PCDHA7: variants seen among roughly 807,000 people sequenced by gnomAD.
PCDHA7 encodes the protein protocadherin alpha-7.
PCDHA7 carries 37 observed loss-of-function variants against 57.2 expected under a neutral mutation model. The ratio of observed to expected loss-of-function variants is 0.65; its 90% CI spans 0.50 to 0.85. PCDHA7 has a LOEUF of 0.85. Ranked by LOEUF, PCDHA7 falls within the 40% of genes least tolerant of loss-of-function variation. The pLI, the probability that PCDHA7 is intolerant of heterozygous loss-of-function variation, is 0.00. For synonymous variants in PCDHA7, 553 were observed against 558.8 expected, an observed-to-expected ratio of 0.99 and a Z score of 0.15; for missense variants, 1,188 against 1,241.8, an observed-to-expected ratio of 0.96 and a Z score of 0.65.
intron 1 of PCDHA7, among the ~76,000 whole-genome samples, chr5:140,878,693 C>T (rs932928385): frequency 6.6e-6 from 1 of 152,136 alleles, no homozygotes; most frequent in South Asian, 2.1e-4. Context: ...TCTTACATAC[C>T]CCAGCCTGGT....
rs1162004111 is a variant in PCDHA7, at chr5:140,853,967, G to A, written c.2355+17229G>A. ...GAGGGTCCCTTCCTTGAGCCCAGCAGTTTGAGACCAATGTAGTGAGACTCA... is the reference window on the plus strand; with the variant it reads ...GAGGGTCCCTTCCTTGAGCCCAGCAATTTGAGACCAATGTAGTGAGACTCA... On this transcript the variant is annotated intron_variant, in intron 1 of 3. Coordinates refer to ENST00000525929, the MANE Select transcript of PCDHA7 (RefSeq NM_018910.3). The A allele has an allele frequency of 7.7e-6, 5 of 646,708 alleles. No homozygotes were observed. The East Asian group carries it at 4.0e-4, about 51-fold the overall frequency. The allele number at this position is 646,708 out of a possible 1,614,324, so 40.1% of individuals were successfully genotyped here.
At chr5:140,999,892 G>A (rs1329841334) in intron 3 of PCDHA7, among the ~76,000 whole-genome samples, 1 of 152,134 alleles carries the variant, frequency 6.6e-6, no homozygotes, top group Non-Finnish European at 1.5e-5. Context: ...GCTGTAGCTT[G>A]GGACACCAAA....
At chr5:140,982,211 A>G (rs1554243869) in intron 2 of PCDHA7, 1 of 476,036 alleles carries the variant, frequency 2.1e-6, no homozygotes, top group African/African-American at 2.0e-5. Flanking sequence ...AGTGAGCGCC[A>G]CATGGCGTTA....
At position 140,871,935 on chromosome 5, in the gene PCDHA7, T is replaced by C. The variant is rs373740331; in HGVS notation, c.2355+35197T>C. The stretch of plus-strand genomic sequence containing the variant: ...GATATTTCCACATTGTTAGATCAAC[T>C]GGCTTTGTTTTTCTAAAGGGAGGAG... On this transcript the variant is annotated intron_variant, in intron 1 of 3. Coordinates refer to ENST00000525929, the MANE Select transcript of PCDHA7 (RefSeq NM_018910.3). Among the ~76,000 whole-genome samples, 4 of 152,380 alleles carry C rather than the reference T, an allele frequency of 2.6e-5. No individual in the cohort carries two copies. The East Asian group carries it at 7.7e-4, about 29-fold the overall frequency.
intron 1 of PCDHA7, among the ~76,000 whole-genome samples, chr5:140,911,798 T>C (rs1387986120): frequency 6.6e-6 from 1 of 152,178 alleles, no homozygotes; most frequent in Non-Finnish European, 1.5e-5. Context: ...GGTCTAATCA[T>C]ATTAAGCAGC....
At chr5:140,984,965 T>G (rs2097128606) in intron 3 of PCDHA7, among the ~76,000 whole-genome samples, 1 of 151,666 alleles carries the variant, frequency 6.6e-6, no homozygotes, top group Non-Finnish European at 1.5e-5. Context: ...TGAGACAGAG[T>G]CTCGCTCTGT....
At chr5:140,850,241 GCGGT>G in intron 1 of PCDHA7, 1 of 1,593,924 alleles carries the variant, frequency 6.3e-7, no homozygotes, top group Non-Finnish European at 8.6e-7. Context: ...AGATGGTGCT[GCGGT>G]CGGTGGGCGC....
At position 140,848,447 on chromosome 5, in the gene PCDHA7, CT is replaced by C; in HGVS notation, c.2355+11710del. On this transcript the variant is annotated intron_variant, in intron 1 of 3. Transcript: ENST00000525929. ...GACTGACGAAATCAGATGATTTCTT[CT>C]AATTTGGAGGCAATTTTCACTAATT... The C allele has an allele frequency of 2.7e-6, 4 of 1,507,352 alleles. 1 individual carries two copies. The highest frequency in any genetic ancestry group is 9.0e-7 in the Non-Finnish European group (1 of 1,107,456). 93.4% of individuals were successfully genotyped at this position (1,507,352 alleles called of 1,614,324 possible).
At chr5:140,849,960 C>G in intron 1 of PCDHA7, 1 of 1,597,926 alleles carries the variant, frequency 6.3e-7, no homozygotes, top group Non-Finnish European at 8.6e-7. Context: ...GGAGAACGCC[C>G]TGGTGTCCTA....
intron 1 of PCDHA7, among the ~76,000 whole-genome samples, chr5:140,902,478 T>C (rs190206747): frequency 6.6e-6 from 1 of 152,312 alleles, no homozygotes; most frequent in African/African-American, 2.4e-5. Context: ...AGTTTTTGCC[T>C]GCTCAGTATG....
intron 1 of PCDHA7, among the ~76,000 whole-genome samples, chr5:140,837,811 G>A (rs1775265637): frequency 1.3e-5 from 2 of 151,598 alleles, no homozygotes; most frequent in African/African-American, 2.4e-5. Flanking sequence ...GGAGTAGCTG[G>A]GAATACAGTT....
At chr5:141,004,258 A>C (rs1164603441) in intron 3 of PCDHA7, among the ~76,000 whole-genome samples, 1 of 152,232 alleles carries the variant, frequency 6.6e-6, no homozygotes, top group Non-Finnish European at 1.5e-5. Flanking sequence ...TTTTACTGGA[A>C]TGAGTCACAG....
intron 3 of PCDHA7, among the ~76,000 whole-genome samples, chr5:140,993,295 C>G (rs553867145): frequency 3.3e-5 from 5 of 152,090 alleles, no homozygotes; most frequent in African/African-American, 9.7e-5. Flanking sequence ...GGGTCACAAC[C>G]TTGCCTCCAG....
chr5:140,966,435 C>G (rs1554228292), intron 1 of PCDHA7: 5 of 423,758 alleles, frequency 1.2e-5, no homozygotes, highest in African/African-American at 1.0e-4. Context: ...GCCCTCCTAC[C>G]GCTCCCTTTC....
chr5:140,869,029 A>T, intron 1 of PCDHA7: 4 of 1,526,468 alleles, frequency 2.6e-6, no homozygotes, highest in South Asian at 2.7e-5. Flanking sequence ...ATTCAACGAG[A>T]TTTTTAACCT....
intron 1 of PCDHA7, chr5:140,870,942 G>T (rs782286042): frequency 1.2e-6 from 2 of 1,613,740 alleles, no homozygotes; most frequent in Non-Finnish European, 1.7e-6. Flanking sequence ...TGCAGCCGGC[G>T]GCGGGCGGCT....
intron 1 of PCDHA7, among the ~76,000 whole-genome samples, chr5:140,947,921 C>A (rs1327858146): frequency 6.6e-6 from 1 of 151,536 alleles, no homozygotes; most frequent in African/African-American, 2.4e-5. Context: ...CTTGCCTTAA[C>A]CCTGATCTTA....
At position 140,967,719 on chromosome 5, in the gene PCDHA7, G is replaced by A. The variant is rs1422649398; in HGVS notation, c.2356-11230G>A. On this transcript the variant is annotated intron_variant, in intron 1 of 3. Coordinates refer to ENST00000525929, the MANE Select transcript of PCDHA7 (RefSeq NM_018910.3). ...ATAGATGCCAGTACCGGGGAAGTGC[G>A]AGTAATTGGGGGGCTGGATTATGAG... 3 of 1,614,052 alleles carry A rather than the reference G, an allele frequency of 1.9e-6. No individual in the cohort carries two copies. In the African/African-American group the frequency reaches 4.0e-5, roughly 22 times the overall value.
chr5:140,901,852 T>G (rs1184166361), intron 1 of PCDHA7, among the ~76,000 whole-genome samples: 3 of 152,206 alleles, frequency 2.0e-5, no homozygotes, highest in Non-Finnish European at 4.4e-5. Flanking sequence ...TCTTTCCATT[T>G]TTTTGTGTCC....
Sources: allele counts gnomAD v4.1 joint callset (sites outside exome capture counted in the v4.1 genomes callset), GRCh38; gene constraint gnomAD v4.1.1; transcripts MANE v1.5; gene names NCBI Gene and HGNC (gene_info 2026-07-23, HGNC 2026-07-21).